SKAP1: variants seen among roughly 807,000 people sequenced by gnomAD.
SKAP1 encodes the protein src kinase associated phosphoprotein 1, also known as src kinase-associated phosphoprotein 1.
A neutral mutation model predicts 58.5 loss-of-function variants in SKAP1; 44 were observed. The observed-to-expected ratio is 0.75, with a 90% CI of 0.59 to 0.97. SKAP1 has a LOEUF of 0.97. Among genes scored for constraint, SKAP1 ranks in the 50% least tolerant of loss-of-function variants. SKAP1 has a pLI of 0.00. For missense variants in SKAP1, 390 were observed against 435.2 expected (o/e 0.90, Z 0.92); for synonymous variants, 127 against 149.7 (o/e 0.85, Z 1.11).
At chr17:48,392,612 G>A (rs1378840289) in intron 2 of SKAP1, among the ~76,000 whole-genome samples, 1 of 152,102 alleles carries the variant, frequency 6.6e-6, no homozygotes, top group Non-Finnish European at 1.5e-5. Context: ...TGTAATCCTA[G>A]CACTTTGGGA....
intron 4 of SKAP1, chr17:48,344,129 G>A: frequency 6.2e-6 from 1 of 160,016 alleles, no homozygotes; most frequent in Non-Finnish European, 1.3e-5. Flanking sequence ...TGAGCACTTA[G>A]GTGAGCATGC....
At chr17:48,419,962 A>G (rs1275575923) in intron 1 of SKAP1, among the ~76,000 whole-genome samples, 2 of 152,156 alleles carry the variant, frequency 1.3e-5, no homozygotes, top group Non-Finnish European at 2.9e-5. Context: ...CTGAGCTCAG[A>G]TCTGTCCTAT....
intron 4 of SKAP1, among the ~76,000 whole-genome samples, chr17:48,259,541 A>G (rs1242892169): frequency 6.6e-6 from 1 of 152,168 alleles, no homozygotes; most frequent in Non-Finnish European, 1.5e-5. Flanking sequence ...GTGCTTTATA[A>G]GAAATTATTA....
At chr17:48,390,432 A>C (rs376296255) in intron 2 of SKAP1, among the ~76,000 whole-genome samples, 1 of 152,234 alleles carries the variant, frequency 6.6e-6, no homozygotes. Flanking sequence ...TGTATGAATT[A>C]AGTCCATCTA....
intron 4 of SKAP1, among the ~76,000 whole-genome samples, chr17:48,228,362 C>T (rs906047319): frequency 1.3e-5 from 2 of 152,184 alleles, no homozygotes; most frequent in Non-Finnish European, 2.9e-5. Context: ...CCATAGAGAG[C>T]ACTGACACTT....
chr17:48,324,473 G>A (rs973426117), intron 4 of SKAP1, among the ~76,000 whole-genome samples: 2 of 152,032 alleles, frequency 1.3e-5, no homozygotes, highest in African/African-American at 4.8e-5. Flanking sequence ...TTTTGGTGAA[G>A]AGAATTATAG....
chr17:48,178,071 C>A (rs1567807450), intron 9 of SKAP1, among the ~76,000 whole-genome samples: 1 of 152,002 alleles, frequency 6.6e-6, no homozygotes, highest in Non-Finnish European at 1.5e-5. Flanking sequence ...ATACTCTGGG[C>A]GGTGCTGCAT....
chr17:48,301,360 G>A (rs1317704924), intron 4 of SKAP1, among the ~76,000 whole-genome samples: 1 of 152,064 alleles, frequency 6.6e-6, no homozygotes, highest in Admixed American at 6.6e-5. Flanking sequence ...TAAATTTTCA[G>A]GGAGATTCCC....
chr17:48,190,244 CT>C (rs1211898821), intron 4 of SKAP1, among the ~76,000 whole-genome samples: 1 of 151,518 alleles, frequency 6.6e-6, no homozygotes, highest in Non-Finnish European at 1.5e-5. Context: ...GTAGGTGAGA[CT>C]ACAGGCGACC....
intron 4 of SKAP1, among the ~76,000 whole-genome samples, chr17:48,299,953 A>G (rs2066036435): frequency 6.6e-6 from 1 of 152,128 alleles, no homozygotes; most frequent in African/African-American, 2.4e-5. Context: ...CATGAGTTTC[A>G]CATGTAGGAG....
the SKAP1 span, among the ~76,000 whole-genome samples, chr17:48,440,476 G>A: frequency 6.6e-6 from 1 of 152,192 alleles, no homozygotes; most frequent in Non-Finnish European, 1.5e-5. Context: ...TATACAAAGA[G>A]CAGCTGTGGC....
intron 3 of SKAP1, among the ~76,000 whole-genome samples, chr17:48,349,965 CTGTTGCTGCTCCATAAACTTTA>C (rs1451566996): frequency 1.3e-5 from 2 of 152,182 alleles, no homozygotes; most frequent in African/African-American, 2.4e-5. Context: ...ATTCAACCAG[CTGTTGCTGCTCCATAAACTTTA>C]TGGAGAAGTG....
chr17:48,138,419 G>A (rs1163356991), intron 11 of SKAP1, among the ~76,000 whole-genome samples: 1 of 151,122 alleles, frequency 6.6e-6, no homozygotes, highest in Non-Finnish European at 1.5e-5. Context: ...TCCCAGGCTG[G>A]AGTGCAGTGG....
intron 4 of SKAP1, among the ~76,000 whole-genome samples, chr17:48,270,027 G>A (rs917220141): frequency 1.1e-4 from 16 of 152,082 alleles, no homozygotes; most frequent in African/African-American, 3.4e-4. Flanking sequence ...CAGGAGTATC[G>A]CTTGAACCAG....
rs150019739 is a variant in SKAP1, at chr17:48,359,675, C to T, written c.178+4114G>A. ...ATGCTGAAGTGCAGTGGCGCGATCT[C>T]GGCTCACTGCAGTCTCAACCTGCCA... On this transcript the variant is annotated intron_variant, in intron 3 of 12. Coordinates refer to ENST00000336915, the MANE Select transcript of SKAP1 (RefSeq NM_003726.4). Among the ~76,000 whole-genome samples the T allele has an allele frequency of 4.0e-3, 602 of 152,250 alleles. 1 individual carries two copies. Among genetic ancestry groups the T allele is most frequent in the Non-Finnish European group, 6.1e-3 (414 of 68,008 alleles).
At chr17:48,204,719 G>C (rs1277052489) in intron 4 of SKAP1, among the ~76,000 whole-genome samples, 1 of 152,100 alleles carries the variant, frequency 6.6e-6, no homozygotes. Flanking sequence ...AGGTTCACAG[G>C]GATGTTTAGC....
chr17:48,238,995 G>C (rs1205521289), intron 4 of SKAP1, among the ~76,000 whole-genome samples: 2 of 152,086 alleles, frequency 1.3e-5, no homozygotes, highest in African/African-American at 4.8e-5. Flanking sequence ...TGTAGAGACA[G>C]GTATCTTTAG....
At chr17:48,402,610 G>A (rs992378187) in intron 1 of SKAP1, among the ~76,000 whole-genome samples, 9 of 152,114 alleles carry the variant, frequency 5.9e-5, no homozygotes, top group Non-Finnish European at 1.0e-4. Flanking sequence ...GATTACAGGC[G>A]TGAGCCACCA....
At chr17:48,354,833 A>C (rs2066854428) in intron 3 of SKAP1, among the ~76,000 whole-genome samples, 1 of 152,234 alleles carries the variant, frequency 6.6e-6, no homozygotes, top group Admixed American at 6.5e-5. Flanking sequence ...CTGAAGTCTT[A>C]ACCTACTTAC....
Sources: allele counts gnomAD v4.1 joint callset (sites outside exome capture counted in the v4.1 genomes callset), GRCh38; gene constraint gnomAD v4.1.1; transcripts MANE v1.5; gene names NCBI Gene and HGNC (gene_info 2026-07-23, HGNC 2026-07-21).